EFR3A: variants seen among roughly 807,000 people sequenced by gnomAD.
EFR3A encodes protein EFR3 homolog A.
A neutral mutation model predicts 104.4 loss-of-function variants in EFR3A; 76 were observed. The ratio of observed to expected loss-of-function variants is 0.73; its 90% confidence interval spans 0.60 to 0.88. The LOEUF is 0.88. Ranked by LOEUF, EFR3A falls within the 40% of genes least tolerant of loss-of-function variation. EFR3A has a pLI of 0.00. For synonymous variants in EFR3A, 330 were observed against 330.0 expected, an observed-to-expected ratio of 1.00 and a Z score of 0.00; for missense variants, 985 against 1,012.5, an observed-to-expected ratio of 0.97 and a Z score of 0.37.
At chr8:131,976,962 T>A in intron 11 of EFR3A, 79 bp from the exon 12 acceptor site, 1 of 1,024,352 alleles carries the variant, frequency 9.8e-7, no homozygotes. Context: ...AAGAATAGAA[T>A]TTTAAAATCA....
chr8:131,996,802 T>G (rs2130791647), intron 19 of EFR3A, among the ~76,000 whole-genome samples: 1 of 152,202 alleles, frequency 6.6e-6, no homozygotes, highest in Admixed American at 6.5e-5. Flanking sequence ...GCTAAGAAAC[T>G]TTATACAAAG....
At chr8:131,992,374 T>C (rs1035568691) in intron 18 of EFR3A, among the ~76,000 whole-genome samples, 4 of 152,208 alleles carry the variant, frequency 2.6e-5, no homozygotes, top group Admixed American at 6.5e-5. Context: ...CAATGTGTCC[T>C]GTTTTGTTGC....
rs2130830738 is a variant in EFR3A at position 132,011,880 on chromosome 8, G to C, written c.*985G>C. 1 of 152,256 alleles carries C rather than the reference G, an allele frequency of 6.6e-6. No individual in the cohort carries two copies. Among genetic ancestry groups the C allele is most frequent in the African/African-American group, 2.4e-5 (1 of 41,548 alleles). The allele number at this position is 152,256 out of a possible 1,614,324, so 9.4% of individuals were successfully genotyped here. On this transcript the variant is annotated 3_prime_UTR_variant, in exon 23 of 23. Transcript: ENST00000254624. The stretch of plus-strand genomic sequence containing the variant: ...TTTTAATTTGTAAGATTTGAACTGT[G>C]ACTTGTATACATCTGTTTAGAATCA...
In EFR3A at chr8:131,972,479, T is replaced by G. The variant is rs572488528; in HGVS notation, c.1159+1836T>G. ...AATTTTCTTTTTTTTTTTTCCTGTC[T>G]GTAGTCAAAGTACAAACAGTGAAGA... On this transcript the variant is annotated intron_variant, in intron 10 of 22. Coordinates refer to ENST00000254624, the MANE Select transcript of EFR3A (RefSeq NM_015137.6). 1.8e-3 allele frequency among the ~76,000 whole-genome samples: 274 copies of G among 151,958 alleles called. 2 individuals carry two copies. The highest frequency in any genetic ancestry group is 6.4e-3 in the African/African-American group (266 of 41,510).
chr8:131,989,124 C>G (rs1821036884), intron 18 of EFR3A, among the ~76,000 whole-genome samples: 1 of 152,086 alleles, frequency 6.6e-6, no homozygotes, highest in South Asian at 2.1e-4. Context: ...ACTAGAAATC[C>G]TACTAGATTT....
intron 1 of EFR3A, chr8:131,938,357 A>G (rs1818010681): frequency 2.5e-6 from 1 of 396,828 alleles, no homozygotes; most frequent in African/African-American, 2.1e-5. Context: ...GATATTTATA[A>G]GTAGAATATT....
intron 10 of EFR3A, among the ~76,000 whole-genome samples, chr8:131,971,961 A>G (rs1466580740): frequency 6.6e-6 from 1 of 152,178 alleles, no homozygotes. Context: ...GCAATCATTT[A>G]TAATTCTTGT....
chr8:131,966,520 A>G (rs1234450039), intron 8 of EFR3A, among the ~76,000 whole-genome samples: 2 of 152,196 alleles, frequency 1.3e-5, no homozygotes, highest in Admixed American at 6.5e-5. Flanking sequence ...CATTTTTCAT[A>G]CAATAGACAC....
intron 10 of EFR3A, among the ~76,000 whole-genome samples, chr8:131,971,408 G>A (rs1563677958): frequency 6.6e-6 from 1 of 152,114 alleles, no homozygotes; most frequent in Non-Finnish European, 1.5e-5. Context: ...TTGTGATTAG[G>A]CCGTGCGCGG....
At position 131,984,281 on chromosome 8, in the gene EFR3A, G is replaced by T; in HGVS notation, c.1718G>T (p.Arg573Leu). 4 of 1,601,124 alleles carry T rather than the reference G, an allele frequency of 2.5e-6. No homozygotes were observed. Among genetic ancestry groups the T allele is most frequent in the Middle Eastern group, 1.7e-4 (1 of 5,946 alleles). ...ANEEVVIDLI[R>L]LAIALQDSAI... ...GAAGAAGTAGTTATTGATCTCATTC[G>T]ACTGGCCATTGCTTTACAGGTATGC... The change falls in exon 15 of 23, where the codon CGA (arginine) becomes CTA (leucine). Residue 573 changes from arginine to leucine, a missense_variant. Arg to Leu is a moderately radical substitution (Grantham distance 102). Transcript: ENST00000254624.
chr8:131,958,206 C>G (rs779609180), intron 7 of EFR3A, among the ~76,000 whole-genome samples: 13 of 152,110 alleles, frequency 8.5e-5, no homozygotes, highest in Middle Eastern at 3.2e-3. Context: ...CGATATTTAA[C>G]TTGACTATTG....
intron 7 of EFR3A, 72 bp from the exon 8 acceptor site, chr8:131,959,513 T>C (rs1819196113): frequency 9.7e-6 from 12 of 1,232,882 alleles, no homozygotes; most frequent in Non-Finnish European, 1.4e-5. Context: ...AAGCTTTTCC[T>C]ATTGTTGAGG....
rs751620365 is a variant in EFR3A at position 131,950,085 on chromosome 8, AAC to A, written c.485_486del (p.Thr162ArgfsTer8). ...CCTGTCATAGTGATCCAGAAATACG[AAC>A]AGAGTATGTATTATTTTACTTTATG... Reference protein sequence around the residue: ...HSCHSDPEIRTEIRIAGIRGI... With the variant: ...HSCHSDPEIRXEIRIAGIRGI... On this transcript the variant is annotated frameshift_variant, in exon 5 of 23. Transcript: ENST00000254624. LOFTEE classifies it high-confidence loss of function. 5.6e-6 allele frequency: 9 copies of A among 1,605,780 alleles called. No homozygotes were observed. The highest frequency in any genetic ancestry group is 1.7e-5 in the Admixed American group (1 of 59,168).
At chr8:131,936,258 C>T (rs1470832204) in intron 1 of EFR3A, among the ~76,000 whole-genome samples, 1 of 152,118 alleles carries the variant, frequency 6.6e-6, no homozygotes, top group Non-Finnish European at 1.5e-5. Flanking sequence ...AATTTTCTTG[C>T]AGTGTTGAGT....
intron 5 of EFR3A, 115 bp downstream of exon 5, chr8:131,950,205 C>A: frequency 8.9e-7 from 1 of 1,118,868 alleles, no homozygotes; most frequent in Non-Finnish European, 1.2e-6. Flanking sequence ...ATACGGCTTT[C>A]CATTGCTGTT....
chr8:131,936,659 T>C (rs919183727), intron 1 of EFR3A, among the ~76,000 whole-genome samples: 36 of 152,228 alleles, frequency 2.4e-4, no homozygotes, highest in African/African-American at 8.2e-4. Flanking sequence ...GCTAATTTGC[T>C]AGAGTGGCTC....
At chr8:131,920,381 C>T (rs560292249) in intron 1 of EFR3A, among the ~76,000 whole-genome samples, 25 of 152,272 alleles carry the variant, frequency 1.6e-4, no homozygotes, top group African/African-American at 6.0e-4. Flanking sequence ...GGGAGTTTAC[C>T]AGGAACTTCT....
rs1428866802 is a variant in EFR3A, at chr8:131,978,867, G to A, written c.1347G>A (p.Ala449=). ...ATCAGGTGACCTCTGGATATAAAGC[G>A]AAGACGATTGTTACTGCACTGCCAG... ...SLLMVTSGYK[A]KTIVTALPGS... Residue 449 remains alanine (A), a synonymous_variant, in exon 13 of 23, where the codon GCG becomes GCA. Transcript: ENST00000254624. The A allele has an allele frequency of 1.6e-5, 25 of 1,601,686 alleles. No individual in the cohort carries two copies. The highest frequency in any genetic ancestry group is 1.3e-4 in the East Asian group (6 of 44,578).
rs1241134206 is a variant in EFR3A at position 131,949,853 on chromosome 8, TTTTG to T, written c.367-109_367-106del. The stretch of plus-strand genomic sequence containing the variant: ...TTCTGTATTAATGTTGTATTTGATG[TTTTG>T]TTTGTTACTTATTTTTATATTGCTT... On this transcript the variant is annotated intron_variant, in intron 4 of 22. Coordinates refer to ENST00000254624, the MANE Select transcript of EFR3A (RefSeq NM_015137.6). 2.0e-5 allele frequency: 19 copies of T among 964,776 alleles called. No homozygotes were observed. In the East Asian group the frequency reaches 3.8e-4, roughly 19 times the overall value. 59.8% of individuals were successfully genotyped at this position (964,776 alleles called of 1,614,324 possible).
Sources: gnomAD v4.1 joint callset for allele counts (sites outside exome capture counted in the v4.1 genomes callset) on GRCh38, gnomAD v4.1.1 for gene constraint, MANE v1.5 for transcripts, NCBI Gene and HGNC (gene_info 2026-07-23, HGNC 2026-07-21) for gene names.